Variants in KIAA1217 observed in about 807,000 individuals in gnomAD.
KIAA1217 encodes the protein sickle tail protein homolog.
Under a neutral mutation model 163.9 loss-of-function variants are expected in KIAA1217, and 88 were observed. The ratio of observed to expected loss-of-function variants is 0.54; its 90% CI spans 0.45 to 0.64. The LOEUF is 0.64. Ranked by LOEUF, KIAA1217 falls within the 30% of genes least tolerant of loss-of-function variation. The pLI is 0.00. For missense variants in KIAA1217, 2,372 were observed against 2,475.0 expected (o/e 0.96, Z 0.88); for synonymous variants, 903 against 923.1 (o/e 0.98, Z 0.39).
chr10:24,308,485 C>G (rs566912121), intron 2 of KIAA1217, among the ~76,000 whole-genome samples: 1 of 152,332 alleles, frequency 6.6e-6, no homozygotes, highest in South Asian at 2.1e-4. Context: ...AGGCAATCCC[C>G]TCTGCCCTTT....
At chr10:24,541,218 A>T (rs1364993622) in intron 17 of KIAA1217, among the ~76,000 whole-genome samples, 3 of 137,380 alleles carry the variant, frequency 2.2e-5, no homozygotes, top group African/African-American at 7.4e-5. Flanking sequence ...TCTTCTTTAA[A>T]ACCTTTTACT....
At chr10:23,829,078 T>A (rs1416331427) in intron 1 of KIAA1217, among the ~76,000 whole-genome samples, 1 of 152,106 alleles carries the variant, frequency 6.6e-6, no homozygotes, top group East Asian at 1.9e-4. Context: ...GGATGCCAGA[T>A]AAAGGGATAA....
At chr10:24,467,724 T>C (rs1447199968) in intron 5 of KIAA1217, among the ~76,000 whole-genome samples, 1 of 152,102 alleles carries the variant, frequency 6.6e-6, no homozygotes, top group Admixed American at 6.5e-5. Flanking sequence ...ATAAGATTAG[T>C]AGCATCAGAG....
intron 1 of KIAA1217, among the ~76,000 whole-genome samples, chr10:23,848,520 G>T (rs1241228627): frequency 6.6e-6 from 1 of 151,864 alleles, no homozygotes; most frequent in Non-Finnish European, 1.5e-5. Context: ...TCTCAAAATT[G>T]GTATGTCTAA....
chr10:24,095,704 A>T (rs1053425968), intron 2 of KIAA1217, among the ~76,000 whole-genome samples: 3 of 152,276 alleles, frequency 2.0e-5, no homozygotes, highest in African/African-American at 7.2e-5. Flanking sequence ...CAGTACTCAC[A>T]AATTTACCTC....
chr10:24,009,582 A>G (rs1847154387), intron 2 of KIAA1217, among the ~76,000 whole-genome samples: 1 of 152,172 alleles, frequency 6.6e-6, no homozygotes, highest in Non-Finnish European at 1.5e-5. Context: ...TGTGCAGTGT[A>G]TGTGATATCT....
chr10:24,083,697 G>T (rs1184322940), intron 2 of KIAA1217, among the ~76,000 whole-genome samples: 1 of 152,044 alleles, frequency 6.6e-6, no homozygotes, highest in East Asian at 1.9e-4. Context: ...AATAGGTGAA[G>T]GCATTGAGTG....
intron 1 of KIAA1217, among the ~76,000 whole-genome samples, chr10:23,969,533 G>A (rs1845215237): frequency 6.6e-6 from 1 of 152,124 alleles, no homozygotes; most frequent in South Asian, 2.1e-4. Context: ...TTTCCATAAT[G>A]CATTTTGAGC....
intron 1 of KIAA1217, among the ~76,000 whole-genome samples, chr10:23,807,076 C>T (rs1403498835): frequency 6.6e-6 from 1 of 152,208 alleles, no homozygotes; most frequent in African/African-American, 2.4e-5. Flanking sequence ...GAGCAGGGAG[C>T]TAAGCTCTGA....
At chr10:23,742,570 G>C (rs1191081854) in intron 1 of KIAA1217, among the ~76,000 whole-genome samples, 1 of 152,182 alleles carries the variant, frequency 6.6e-6, no homozygotes, top group African/African-American at 2.4e-5. Flanking sequence ...AGAAGTGAGA[G>C]AAAGAGTGGA....
chr10:23,956,986 C>T (rs569826220), intron 1 of KIAA1217, among the ~76,000 whole-genome samples: 1 of 152,188 alleles, frequency 6.6e-6, no homozygotes, highest in African/African-American at 2.4e-5. Flanking sequence ...ATCACCTTCA[C>T]TTTCTTCCAG....
chr10:24,085,538 G>A (rs937334577), intron 2 of KIAA1217, among the ~76,000 whole-genome samples: 1 of 152,108 alleles, frequency 6.6e-6, no homozygotes, highest in African/African-American at 2.4e-5. Context: ...CCCATTGTGG[G>A]TACTGTGTCT....
intron 2 of KIAA1217, among the ~76,000 whole-genome samples, chr10:24,185,442 A>G (rs1301202285): frequency 1.3e-5 from 2 of 152,230 alleles, no homozygotes; most frequent in Non-Finnish European, 2.9e-5. Context: ...ATCCATACCC[A>G]TGATTTTAAA....
At position 24,407,307 on chromosome 10, in the gene KIAA1217, C is replaced by T. The variant is rs138403871; in HGVS notation, c.554-25688C>T. On this transcript the variant is annotated intron_variant, in intron 3 of 20. Coordinates refer to ENST00000376454, the MANE Select transcript of KIAA1217 (RefSeq NM_019590.5). Reference sequence around the variant, plus strand: ...GTGTGCGTGCGTGTGCGTGCGCGTGCGCATGTGATGAAGTCTCACTCTGTT... The same window carrying T: ...GTGTGCGTGCGTGTGCGTGCGCGTGTGCATGTGATGAAGTCTCACTCTGTT... Among the ~76,000 whole-genome samples, 12 of 151,670 alleles carry T rather than the reference C, an allele frequency of 7.9e-5. 1 individual carries two copies. The South Asian group carries it at 1.3e-3, about 16-fold the overall frequency.
chr10:24,485,709 A>G (rs2065304360), intron 6 of KIAA1217, among the ~76,000 whole-genome samples: 1 of 152,244 alleles, frequency 6.6e-6, no homozygotes, highest in African/African-American at 2.4e-5. Flanking sequence ...AATGGTTTAC[A>G]GGTTATAATG....
At chr10:23,775,572 T>C (rs1834974813) in intron 1 of KIAA1217, among the ~76,000 whole-genome samples, 1 of 152,136 alleles carries the variant, frequency 6.6e-6, no homozygotes, top group African/African-American at 2.4e-5. Context: ...CACACGTCTG[T>C]TGTAGCATGT....
chr10:23,895,450 C>T (rs1589031561), intron 1 of KIAA1217, among the ~76,000 whole-genome samples: 1 of 152,184 alleles, frequency 6.6e-6, no homozygotes, highest in African/African-American at 2.4e-5. Flanking sequence ...GAGATACCAT[C>T]TCACACCAGT....
intron 2 of KIAA1217, among the ~76,000 whole-genome samples, chr10:24,380,393 A>G (rs1329218089): frequency 6.6e-6 from 1 of 152,120 alleles, no homozygotes; most frequent in African/African-American, 2.4e-5. Flanking sequence ...TGGGAGGCCG[A>G]GGCAGGCGGA....
chr10:24,010,693 GAAA>G (rs112800971), intron 2 of KIAA1217, among the ~76,000 whole-genome samples: 2 of 128,948 alleles, frequency 1.6e-5, no homozygotes, highest in Non-Finnish European at 1.7e-5. Flanking sequence ...ACATTTGCTG[GAAA>G]AAAAAAAAAA....
Sources: gnomAD v4.1 joint callset for allele counts (sites outside exome capture counted in the v4.1 genomes callset) on GRCh38, gnomAD v4.1.1 for gene constraint, MANE v1.5 for transcripts, NCBI Gene and HGNC (gene_info 2026-07-23, HGNC 2026-07-21) for gene names.